The following INPP4B variants were observed in gnomAD, a reference collection of about 807,000 sequenced individuals.
INPP4B encodes the protein inositol polyphosphate-4-phosphatase type II B.
INPP4B carries 55 observed loss-of-function variants against 122.5 expected under a neutral mutation model. The ratio of observed to expected loss-of-function variants is 0.45; its 90% confidence interval spans 0.36 to 0.56. INPP4B has a LOEUF of 0.56. Among genes scored for constraint, INPP4B ranks in the 20% least tolerant of loss-of-function variants. The pLI, the probability that INPP4B is intolerant of heterozygous loss-of-function variation, is 0.00. For missense variants in INPP4B, 1,000 were observed against 1,097.7 expected (o/e 0.91, Z 1.26); for synonymous variants, 403 against 388.7 (o/e 1.04, Z -0.43).
intron 2 of INPP4B, among the ~76,000 whole-genome samples, chr4:142,689,103 T>C (rs545043888): frequency 6.6e-6 from 1 of 152,306 alleles, no homozygotes; most frequent in African/African-American, 2.4e-5. Flanking sequence ...AATAAAACTC[T>C]GGTCTCCCAT....
chr4:142,156,448 G>T (rs140493122), intron 17 of INPP4B, among the ~76,000 whole-genome samples: 1 of 152,100 alleles, frequency 6.6e-6, no homozygotes, highest in Admixed American at 6.5e-5. Flanking sequence ...GAGATGTAGA[G>T]AAAGAAAAGT....
At chr4:142,316,991 T>A (rs966684991) in intron 7 of INPP4B, among the ~76,000 whole-genome samples, 10 of 152,310 alleles carry the variant, frequency 6.6e-5, no homozygotes, top group African/African-American at 2.4e-4. Flanking sequence ...TTTAGCACAA[T>A]GCAATAAGTG....
Position 142,098,164 on chromosome 4 carries a change from A to G in INPP4B, c.2374+9929T>C, listed in dbSNP as rs530496733. On this transcript the variant is annotated intron_variant, in intron 23 of 25. Coordinates refer to ENST00000262992, the MANE Select transcript of INPP4B (RefSeq NM_001101669.3). The stretch of plus-strand genomic sequence containing the variant: ...GGGGAAGGCATTTAAGATAGGGCAT[A>G]GAGCCACTAAAAAGTCCCAAGAAAC... Among the ~76,000 whole-genome samples, 3 of 152,236 alleles carry G rather than the reference A, an allele frequency of 2.0e-5. No homozygotes were observed. In the South Asian group the frequency reaches 6.2e-4, roughly 32 times the overall value.
intron 2 of INPP4B, among the ~76,000 whole-genome samples, chr4:142,527,257 A>C (rs902241708): frequency 6.6e-6 from 1 of 151,736 alleles, no homozygotes; most frequent in Non-Finnish European, 1.5e-5. Flanking sequence ...AAATATAAAT[A>C]AAATATGTAT....
At chr4:142,485,932 T>C (rs931121468) in intron 2 of INPP4B, among the ~76,000 whole-genome samples, 4 of 152,102 alleles carry the variant, frequency 2.6e-5, no homozygotes, top group African/African-American at 4.8e-5. Flanking sequence ...CAGCCTTCTG[T>C]GCAATTAGGT....
At chr4:142,361,524 T>G (rs2148545441) in intron 7 of INPP4B, among the ~76,000 whole-genome samples, 1 of 152,110 alleles carries the variant, frequency 6.6e-6, no homozygotes, top group African/African-American at 2.4e-5. Flanking sequence ...CAGCCAATGA[T>G]GTGTAAGTGA....
intron 12 of INPP4B, among the ~76,000 whole-genome samples, chr4:142,218,524 A>C (rs1848212467): frequency 6.6e-6 from 1 of 152,240 alleles, no homozygotes; most frequent in African/African-American, 2.4e-5. Flanking sequence ...TCGTAAGACA[A>C]AATAGCTTGA....
intron 18 of INPP4B, among the ~76,000 whole-genome samples, chr4:142,136,803 A>C (rs1228386794): frequency 6.6e-6 from 1 of 152,220 alleles, no homozygotes; most frequent in Non-Finnish European, 1.5e-5. Context: ...TGACTATCTG[A>C]GAAACAGTTC....
intron 9 of INPP4B, among the ~76,000 whole-genome samples, chr4:142,278,687 C>A (rs1463294094): frequency 6.6e-6 from 1 of 151,744 alleles, no homozygotes; most frequent in Non-Finnish European, 1.5e-5. Context: ...CCCAAGCTTA[C>A]TGGTTGGAGG....
rs764341841 is a variant in INPP4B at position 142,314,742 on chromosome 4, T to A, written c.393A>T (p.Pro131=). The A allele has an allele frequency of 2.5e-6, 4 of 1,599,332 alleles. No individual in the cohort carries two copies. In the South Asian group the frequency reaches 4.6e-5, roughly 18 times the overall value. The change falls in exon 8 of 26, where the codon CCA becomes CCT. Residue 131 remains proline (P), a synonymous_variant. Transcript: ENST00000262992. ...CTTCTGGCGGGGGATCCTTATGTTC[T>A]GGTAGGACACTGGTTCGAACCTGTG... ...SHDTVRTSVL[P]EHKDPPPEVG... is the part of the protein sequence containing the mutation.
chr4:142,113,745 C>A (rs1310372683), intron 21 of INPP4B, among the ~76,000 whole-genome samples: 2 of 152,010 alleles, frequency 1.3e-5, no homozygotes, highest in African/African-American at 4.8e-5. Flanking sequence ...ATCAATGAGT[C>A]AGTTCATGCT....
intron 18 of INPP4B, among the ~76,000 whole-genome samples, chr4:142,126,190 G>A (rs1221760524): frequency 6.6e-6 from 1 of 152,074 alleles, no homozygotes; most frequent in African/African-American, 2.4e-5. Context: ...ATAAATTAAT[G>A]GGTGACAAAT....
intron 2 of INPP4B, among the ~76,000 whole-genome samples, chr4:142,666,852 A>G (rs1756185006): frequency 6.6e-6 from 1 of 152,230 alleles, no homozygotes; most frequent in Non-Finnish European, 1.5e-5. Flanking sequence ...AACTATTTAT[A>G]TGAATGGAAG....
chr4:142,209,114 G>C (rs1458636312), intron 12 of INPP4B, 88 bp from the exon 13 acceptor site: 2 of 913,112 alleles, frequency 2.2e-6, no homozygotes, highest in East Asian at 2.8e-5. Context: ...AAGATAATAA[G>C]AAATTATTTC....
At position 142,145,987 on chromosome 4, in the gene INPP4B, A is replaced by C. The variant is rs1256932596; in HGVS notation, c.1573T>G (p.Trp525Gly). 3 of 1,612,870 alleles carry C rather than the reference A, an allele frequency of 1.9e-6. No homozygotes were observed. In the Admixed American group the frequency reaches 5.0e-5, roughly 27 times the overall value. The change falls in exon 18 of 26, where the codon TGG becomes GGG. Residue 525 changes from tryptophan to glycine, a missense_variant. Coordinates refer to ENST00000262992, the MANE Select transcript of INPP4B (RefSeq NM_001101669.3). ...TTCAGGCTCTTCCCCACATTGGCCC[A>C]CACCCTGTCCTGAAAAAAGCATGAG... ...DYDEEEWDRVWANVGKSLNCI... is the reference protein window; with the variant it reads ...DYDEEEWDRVGANVGKSLNCI...
intron 2 of INPP4B, among the ~76,000 whole-genome samples, chr4:142,606,046 T>G (rs1741187294): frequency 6.6e-6 from 1 of 151,964 alleles, no homozygotes; most frequent in African/African-American, 2.4e-5. Flanking sequence ...ACATATGCAA[T>G]AGAATACTAT....
At chr4:142,453,870 T>G (rs1814830008) in intron 3 of INPP4B, among the ~76,000 whole-genome samples, 1 of 152,094 alleles carries the variant, frequency 6.6e-6, no homozygotes, top group South Asian at 2.1e-4. Context: ...GAGTAAACAA[T>G]GAAGCTCCAG....
intron 2 of INPP4B, among the ~76,000 whole-genome samples, chr4:142,596,477 G>A (rs1255010684): frequency 1.3e-5 from 2 of 152,156 alleles, no homozygotes; most frequent in Non-Finnish European, 2.9e-5. Flanking sequence ...CACCAGCTGA[G>A]TGACTGGGCC....
At chr4:142,376,373 C>T (rs1295129208) in intron 7 of INPP4B, among the ~76,000 whole-genome samples, 2 of 151,924 alleles carry the variant, frequency 1.3e-5, no homozygotes, top group African/African-American at 4.8e-5. Context: ...ACATATATAA[C>T]CCAGCTAACC....
Sources: gnomAD v4.1 joint callset for allele counts (sites outside exome capture counted in the v4.1 genomes callset) on GRCh38, gnomAD v4.1.1 for gene constraint, MANE v1.5 for transcripts, NCBI Gene and HGNC (gene_info 2026-07-23, HGNC 2026-07-21) for gene names.